DGCR2: variants seen among roughly 807,000 people sequenced by gnomAD.
DGCR2 encodes DiGeorge syndrome critical region gene 2.
In DGCR2, 24 loss-of-function variants were observed where a neutral mutation model predicts 51.6. The observed-to-expected ratio is 0.47, with a 90% CI of 0.34 to 0.65. DGCR2 has a LOEUF of 0.65. Ranked by LOEUF, DGCR2 falls within the 30% of genes least tolerant of loss-of-function variation. The pLI, the probability that DGCR2 is intolerant of heterozygous loss-of-function variation, is 0.01. For synonymous variants in DGCR2, 340 were observed against 315.4 expected (o/e 1.08, Z -0.82); for missense variants, 765 against 772.1 (o/e 0.99, Z 0.11).
chr22:19,080,671 A>G (rs999503991), intron 2 of DGCR2, among the ~76,000 whole-genome samples: 1 of 152,158 alleles, frequency 6.6e-6, no homozygotes, highest in African/African-American at 2.4e-5. Flanking sequence ...CCTCGTCTCT[A>G]CAAAAAATTT....
At chr22:19,107,292 G>A (rs2083269681) in intron 1 of DGCR2, among the ~76,000 whole-genome samples, 1 of 152,224 alleles carries the variant, frequency 6.6e-6, no homozygotes, top group South Asian at 2.1e-4. Flanking sequence ...CAACAGTGGA[G>A]AGGGAGTAGG....
chr22:19,109,408 CTAAA>C (rs2083292110), intron 1 of DGCR2, among the ~76,000 whole-genome samples: 1 of 152,116 alleles, frequency 6.6e-6, no homozygotes. Context: ...CAGGTGTACA[CTAAA>C]TAAACAAAAT....
chr22:19,079,678 T>C (rs531551806), intron 2 of DGCR2, among the ~76,000 whole-genome samples: 78 of 152,270 alleles, frequency 5.1e-4, no homozygotes, highest in Non-Finnish European at 1.0e-3. Flanking sequence ...ACAGGCACTA[T>C]TATTTTCTCC....
At chr22:19,046,738 G>A (rs951206441) in intron 7 of DGCR2, 9 of 438,208 alleles carry the variant, frequency 2.1e-5, no homozygotes, top group Non-Finnish European at 9.3e-6. Context: ...GGCAGAGCAG[G>A]GCCCAGCTAA....
At chr22:19,046,230 A>G (rs1323363052) in intron 7 of DGCR2, 1 of 123,738 alleles carries the variant, frequency 8.1e-6, no homozygotes, top group African/African-American at 3.4e-5. Context: ...CAGAATGTGC[A>G]CATATTTTAT....
At chr22:19,109,658 G>GT (rs1160377136) in intron 1 of DGCR2, among the ~76,000 whole-genome samples, 1 of 152,172 alleles carries the variant, frequency 6.6e-6, no homozygotes, top group Non-Finnish European at 1.5e-5. Flanking sequence ...TAGGTACTGA[G>GT]TTTCAGTTTT....
rs1601257459 is a variant in DGCR2, at chr22:19,084,959, A to G, written c.202+4409T>C. Among the ~76,000 whole-genome samples the G allele has an allele frequency of 1.2e-4, 18 of 152,302 alleles. No homozygotes were observed. In the South Asian group the frequency reaches 3.7e-3, roughly 32 times the overall value. ...AACAGCTCATTGAGAACGGGCCATG[A>G]TGACAATGGTGGTTTTGTGGAATAG... On this transcript the variant is annotated intron_variant, in intron 2 of 9. Coordinates refer to ENST00000263196, the MANE Select transcript of DGCR2 (RefSeq NM_005137.3).
intron 1 of DGCR2, among the ~76,000 whole-genome samples, chr22:19,105,899 C>G (rs183423239): frequency 1.5e-4 from 23 of 152,196 alleles, no homozygotes; most frequent in Non-Finnish European, 3.2e-4. Context: ...TCCCGCAAAG[C>G]CCCACATCCA....
chr22:19,083,278 T>G (rs1377834949), intron 2 of DGCR2, among the ~76,000 whole-genome samples: 1 of 152,186 alleles, frequency 6.6e-6, no homozygotes. Flanking sequence ...ATTCCACCTC[T>G]GGAATTCAAG....
chr22:19,119,692 C>T (rs1421119578), intron 1 of DGCR2, among the ~76,000 whole-genome samples: 4 of 147,498 alleles, frequency 2.7e-5, no homozygotes, highest in Non-Finnish European at 5.9e-5. Flanking sequence ...GCCAAGATCA[C>T]GCTACTGCAC....
intron 3 of DGCR2, among the ~76,000 whole-genome samples, chr22:19,067,632 C>T (rs1305055017): frequency 6.6e-6 from 1 of 152,040 alleles, no homozygotes; most frequent in Non-Finnish European, 1.5e-5. Context: ...GCAGAGGTTT[C>T]AGTAAGCTGA....
intron 5 of DGCR2, among the ~76,000 whole-genome samples, chr22:19,062,368 C>G (rs769827686): frequency 3.2e-4 from 49 of 152,192 alleles, no homozygotes; most frequent in Admixed American, 7.9e-4. Flanking sequence ...GTGGGGCCCT[C>G]TTTTCTCCAG....
At chr22:19,060,669 T>C (rs1052787598) in intron 5 of DGCR2, 2 of 281,426 alleles carry the variant, frequency 7.1e-6, no homozygotes, top group Middle Eastern at 2.6e-3. Context: ...TTTTTCAACC[T>C]TTCTGCACAA....
Position 19,064,879 on chromosome 22 carries a change from C to G in DGCR2, c.517G>C (p.Glu173Gln), listed in dbSNP as rs760652585. 1 of 1,613,844 alleles carries G rather than the reference C, an allele frequency of 6.2e-7. No individual in the cohort carries two copies. The highest frequency in any genetic ancestry group is 1.7e-5 in the Admixed American group (1 of 60,036). The stretch of plus-strand genomic sequence containing the variant: ...TGGTCCTTCCAACCAAAGCTCCGCT[C>G]GGGCTGGTCCCATTCCTGGGCCAGG... ...FVLAQEWDQP[E>Q]RSFGWKDQRK... Residue 173 changes from glutamate to glutamine, a missense_variant, in exon 4 of 10, where the codon GAG becomes CAG. Physicochemically the swap from Glu to Gln is conservative, Grantham distance 29 (BLOSUM62 2). Around this residue, in one of 3 missense-constraint regions of DGCR2, gnomAD observed 370 missense variants for 325.5 expected, o/e 1.14. Transcript: ENST00000263196.
chr22:19,048,489 C>T lies in DGCR2; in HGVS notation c.957G>A (p.Gln319=). The change falls in exon 7 of 10, where the codon CAG becomes CAA. Residue 319 remains glutamine (Q), a synonymous_variant. Coordinates refer to ENST00000263196, the MANE Select transcript of DGCR2 (RefSeq NM_005137.3). ...ALCERPQGCQ[Q]YRKDPKECCK... ...AGCACTCTTTGGGGTCCTTGCGGTA[C>T]TGTTGGCAGCCCTGGGGCCTCTCAC... 1 of 1,614,210 alleles carries T rather than the reference C, an allele frequency of 6.2e-7. No homozygotes were observed. Among genetic ancestry groups the T allele is most frequent in the Non-Finnish European group, 8.5e-7 (1 of 1,180,036 alleles).
intron 1 of DGCR2, among the ~76,000 whole-genome samples, chr22:19,101,011 T>C (rs1205785615): frequency 6.6e-6 from 1 of 151,890 alleles, no homozygotes; most frequent in African/African-American, 2.4e-5. Context: ...GAGGCTGAAG[T>C]GGGAGAACCA....
At chr22:19,102,928 C>G (rs1292103889) in intron 1 of DGCR2, among the ~76,000 whole-genome samples, 2 of 152,060 alleles carry the variant, frequency 1.3e-5, no homozygotes, top group East Asian at 3.9e-4. Context: ...ATCACTTGAG[C>G]CCAGGAGGTC....
intron 2 of DGCR2, among the ~76,000 whole-genome samples, chr22:19,085,085 A>C (rs2082999231): frequency 6.7e-6 from 1 of 149,978 alleles, no homozygotes; most frequent in African/African-American, 2.5e-5. Flanking sequence ...TTCTGTACTA[A>C]GAAAAATTCT....
chr22:19,079,870 G>A (rs765655915), intron 2 of DGCR2, among the ~76,000 whole-genome samples: 6 of 152,226 alleles, frequency 3.9e-5, no homozygotes, highest in African/African-American at 7.2e-5. Flanking sequence ...AGACTCTGGC[G>A]AATATCCACA....
Sources: gnomAD v4.1 joint callset for allele counts (sites outside exome capture counted in the v4.1 genomes callset) on GRCh38, gnomAD v4.1.1 for gene constraint, gnomAD v4.1.1 regional missense constraint, MANE v1.5 for transcripts, NCBI Gene and HGNC (gene_info 2026-07-23, HGNC 2026-07-21) for gene names.